PIP5K1C: variants seen among roughly 807,000 people sequenced by gnomAD.
The protein encoded by PIP5K1C is phosphatidylinositol-4-phosphate 5-kinase type 1 gamma.
A neutral mutation model predicts 80.1 loss-of-function variants in PIP5K1C; 45 were observed. The ratio of observed to expected loss-of-function variants is 0.56; its 90% CI spans 0.44 to 0.72. PIP5K1C has a LOEUF of 0.72. Ranked by LOEUF, PIP5K1C falls within the 30% of genes least tolerant of loss-of-function variation. PIP5K1C has a pLI of 0.00. For synonymous variants in PIP5K1C, 498 were observed against 420.1 expected (o/e 1.19, Z -2.27); for missense variants, 753 against 954.6 (o/e 0.79, Z 2.78).
intron 1 of PIP5K1C, among the ~76,000 whole-genome samples, chr19:3,683,485 G>C (rs758774615): frequency 2.0e-5 from 3 of 152,196 alleles, no homozygotes; most frequent in African/African-American, 7.2e-5. Context: ...TGTGTGTGGC[G>C]GGGCCCGCAC....
intron 5 of PIP5K1C, among the ~76,000 whole-genome samples, chr19:3,658,110 G>A (rs1433214878): frequency 6.6e-6 from 1 of 152,214 alleles, no homozygotes; most frequent in Non-Finnish European, 1.5e-5. Context: ...GAATGCCCCA[G>A]TCCCTCCTTG....
intron 1 of PIP5K1C, among the ~76,000 whole-genome samples, chr19:3,698,423 G>A (rs986787477): frequency 6.6e-6 from 1 of 152,204 alleles, no homozygotes; most frequent in South Asian, 2.1e-4. Context: ...CCTGGCGCTC[G>A]CCCTCTCTAC....
intron 1 of PIP5K1C, among the ~76,000 whole-genome samples, chr19:3,694,265 C>T (rs1234353588): frequency 6.6e-6 from 1 of 151,724 alleles, no homozygotes; most frequent in Non-Finnish European, 1.5e-5. Context: ...TGCTCAGAGG[C>T]ACACGGGTCT....
chr19:3,648,844 C>T lies in PIP5K1C; in HGVS notation c.1128-136G>A. 1 of 702,782 alleles carries T rather than the reference C, an allele frequency of 1.4e-6. No homozygotes were observed. Among genetic ancestry groups the T allele is most frequent in the Non-Finnish European group, 2.5e-6 (1 of 397,304 alleles). 43.5% of individuals were successfully genotyped at this position (702,782 alleles called of 1,614,324 possible). A position where few individuals can be genotyped will look rare whatever the true frequency, so the allele number is the denominator to read the frequency against. ...CTTGGCCAAGCTCTCGGAGTGGGGC[C>T]TGGCACCCGGGAACCTCTGTCCTGA... On this transcript the variant is annotated intron_variant, in intron 8 of 17. Transcript: ENST00000335312. This position sits in a 1 kb window ranked among gnomAD's most constrained non-coding sequence, Gnocchi z 4.3.
At chr19:3,678,226 G>C (rs2035452006) in intron 1 of PIP5K1C, among the ~76,000 whole-genome samples, 1 of 137,512 alleles carries the variant, frequency 7.3e-6, no homozygotes, top group South Asian at 2.5e-4. Flanking sequence ...GAGGGACGGA[G>C]GGATGGAGGA....
chr19:3,685,669 G>C (rs983530975), intron 1 of PIP5K1C, among the ~76,000 whole-genome samples: 4 of 151,834 alleles, frequency 2.6e-5, no homozygotes, highest in Non-Finnish European at 5.9e-5. Context: ...GGCGGAGCTT[G>C]CAGTGAGCTG....
In PIP5K1C at chr19:3,653,494, G is replaced by A; in HGVS notation, c.717C>T (p.Asn239=). 6.2e-7 allele frequency: 1 copy of A among 1,613,864 alleles called. No individual in the cohort carries two copies. The highest frequency in any genetic ancestry group is 8.5e-7 in the Non-Finnish European group (1 of 1,180,024). Residue 239 remains asparagine (N), a synonymous_variant, in exon 7 of 18, where the codon AAC becomes AAT. Coordinates refer to ENST00000335312, the MANE Select transcript of PIP5K1C (RefSeq NM_012398.3). Reference sequence around the variant, plus strand: ...TCTTGACCACGCGGGGCAGGATGTTGTTCATGACCACGACGCGGATGTTCT... The same window carrying A: ...TCTTGACCACGCGGGGCAGGATGTTATTCATGACCACGACGCGGATGTTCT... ...GGKNIRVVVM[N]NILPRVVKMH...
chr19:3,650,078 C>CT (rs2034379234), intron 8 of PIP5K1C: 1 of 152,768 alleles, frequency 6.5e-6, no homozygotes, highest in African/African-American at 2.8e-5. Flanking sequence ...GGCTCCCGCA[C>CT]CCCCCCGCAG....
intron 5 of PIP5K1C, among the ~76,000 whole-genome samples, chr19:3,658,748 G>A (rs2034727804): frequency 6.6e-6 from 1 of 152,232 alleles, no homozygotes; most frequent in Non-Finnish European, 1.5e-5. Context: ...ACTGTGGAAA[G>A]GGCACGTTCG....
At position 3,651,849 on chromosome 19, in the gene PIP5K1C, C is replaced by T. The variant is rs760257167; in HGVS notation, c.1104G>A (p.Gly368=). 5 of 1,612,246 alleles carry T rather than the reference C, an allele frequency of 3.1e-6. No individual in the cohort carries two copies. The East Asian group carries it at 1.1e-4, about 36-fold the overall frequency. Residue 368 remains glycine (G), a synonymous_variant, in exon 8 of 18, where the codon GGG becomes GGA. Coordinates refer to ENST00000335312, the MANE Select transcript of PIP5K1C (RefSeq NM_012398.3). ...ACGTGTCATCCGATTCGATGGCCTC[C>T]CCGCGCGCGGCGCCACCCTGGATGG... ...MESIQGGAAR[G]EAIESDDTMG... is the part of the protein sequence containing the mutation.
intron 7 of PIP5K1C, 110 bp downstream of exon 7, chr19:3,653,180 G>A: frequency 2.1e-6 from 2 of 948,188 alleles, no homozygotes; most frequent in Non-Finnish European, 1.6e-6. Context: ...AGGCTGCAGG[G>A]CAGGTGGGCC....
At chr19:3,647,492 C>T (rs964808557) in intron 9 of PIP5K1C, 106 bp from the exon 10 acceptor site, 5 of 979,404 alleles carry the variant, frequency 5.1e-6, no homozygotes, top group Admixed American at 4.0e-5. Context: ...GCCATGGCCT[C>T]AAGCAGTCGT....
At chr19:3,683,475 T>C (rs2035652837) in intron 1 of PIP5K1C, among the ~76,000 whole-genome samples, 1 of 152,210 alleles carries the variant, frequency 6.6e-6, no homozygotes, top group African/African-American at 2.4e-5. Context: ...ACCTTCGCCG[T>C]GTGTGTGGCG....
chr19:3,678,774 G>A (rs1294606724), intron 1 of PIP5K1C, among the ~76,000 whole-genome samples: 2 of 136,140 alleles, frequency 1.5e-5, no homozygotes, highest in African/African-American at 2.8e-5. Context: ...ATGGCAGGAC[G>A]GAGGGAGGGA....
chr19:3,677,107 T>A (rs924884915), intron 1 of PIP5K1C, among the ~76,000 whole-genome samples: 6 of 150,698 alleles, frequency 4.0e-5, no homozygotes, highest in South Asian at 2.1e-4. Flanking sequence ...GTCTTAAAAT[T>A]AAAATAAAAT....
At chr19:3,653,943 T>A (rs2034536422) in intron 6 of PIP5K1C, among the ~76,000 whole-genome samples, 1 of 152,196 alleles carries the variant, frequency 6.6e-6, no homozygotes, top group Non-Finnish European at 1.5e-5. Flanking sequence ...CGCAATGCTG[T>A]ATCCTAAAAT....
At chr19:3,651,661 G>A (rs1378594463) in intron 8 of PIP5K1C, among the ~76,000 whole-genome samples, 165 bp downstream of exon 8, 2 of 152,266 alleles carry the variant, frequency 1.3e-5, no homozygotes, top group Non-Finnish European at 2.9e-5. Flanking sequence ...ACTACGGCCT[G>A]GCTTCGCTCT....
rs1254413673 is a variant in PIP5K1C, at chr19:3,637,766, G to A, written c.1920+1118C>T. The A allele has an allele frequency of 1.0e-5, 16 of 1,531,290 alleles. No homozygotes were observed. The highest frequency in any genetic ancestry group is 3.9e-5 in the Admixed American group (2 of 50,854). 94.9% of individuals were successfully genotyped at this position (1,531,290 alleles called of 1,614,324 possible). ...TGCCAAGCAGAAGGTGGGGGGTGCC[G>A]GGGCAGGGGCAGGACCGAGGACCCT... On this transcript the variant is annotated intron_variant, in intron 16 of 17. Transcript: ENST00000335312. This position sits in a 1 kb window ranked among gnomAD's most constrained non-coding sequence, Gnocchi z 7.0.
intron 3 of PIP5K1C, among the ~76,000 whole-genome samples, chr19:3,663,472 A>G (rs796517266): frequency 2.0e-5 from 3 of 152,320 alleles, no homozygotes; most frequent in African/African-American, 7.2e-5. Context: ...GATAACATAC[A>G]AACGGCCCTG....
Sources: gnomAD v4.1 joint callset for allele counts (sites outside exome capture counted in the v4.1 genomes callset) on GRCh38, gnomAD v4.1.1 for gene constraint, Gnocchi (gnomAD v3.1) non-coding constraint, MANE v1.5 for transcripts, NCBI Gene and HGNC (gene_info 2026-07-23, HGNC 2026-07-21) for gene names.